The following ABCC4 variants were observed in gnomAD, a reference collection of about 807,000 sequenced individuals.
ABCC4 encodes the protein ATP binding cassette subfamily C member 4 (PEL blood group).
In ABCC4, 102 loss-of-function variants were observed where a neutral mutation model predicts 168.5. The ratio of observed to expected loss-of-function variants is 0.61; its 90% CI spans 0.52 to 0.71. The LOEUF is 0.71. Ranked by LOEUF, ABCC4 falls within the 30% of genes least tolerant of loss-of-function variation. The probability of loss-of-function intolerance (pLI) is 0.00; values close to 1 mark genes in which losing one functional copy is unlikely to be tolerated. For missense variants in ABCC4, 1,402 were observed against 1,605.8 expected (o/e 0.87, Z 2.17); for synonymous variants, 617 against 590.7 (o/e 1.04, Z -0.65).
chr13:95,131,353 C>T (rs895608078), intron 19 of ABCC4, among the ~76,000 whole-genome samples: 23 of 152,260 alleles, frequency 1.5e-4, no homozygotes, highest in East Asian at 5.8e-4. Context: ...CCCAGCCAGG[C>T]GCAGTGGCTC....
chr13:95,093,171 A>G (rs1481980485), intron 20 of ABCC4, among the ~76,000 whole-genome samples: 1 of 152,192 alleles, frequency 6.6e-6, no homozygotes, highest in African/African-American at 2.4e-5. Context: ...AGAAAGAAGG[A>G]ACCCTCCCTA....
At chr13:95,212,275 G>GGA (rs988270380) in intron 4 of ABCC4, among the ~76,000 whole-genome samples, 1 of 151,886 alleles carries the variant, frequency 6.6e-6, no homozygotes, top group East Asian at 1.9e-4. Context: ...AGAAAGGGAA[G>GGA]GAGAGAGACC....
intron 6 of ABCC4, among the ~76,000 whole-genome samples, chr13:95,209,206 C>T (rs760286421): frequency 4.6e-5 from 7 of 152,182 alleles, no homozygotes; most frequent in Non-Finnish European, 8.8e-5. Context: ...GAGGCCACAG[C>T]GCCTGAAAAG....
At chr13:95,212,098 C>G (rs762102869) in intron 4 of ABCC4, among the ~76,000 whole-genome samples, 3 of 148,888 alleles carry the variant, frequency 2.0e-5, no homozygotes, top group Non-Finnish European at 4.4e-5. Flanking sequence ...ATCACTTGAA[C>G]CGGGAGGCAG....
At position 95,123,783 on chromosome 13, in the gene ABCC4, G is replaced by A. The variant is rs532456993; in HGVS notation, c.2456-7782C>T. ...GCAGGTGGCAGAAATAAGAAAGCAC[G>A]GACCATGCCCAAGGCAGGCGGCAAT... On this transcript the variant is annotated intron_variant, in intron 19 of 30. Transcript: ENST00000645237. 2.4e-3 allele frequency among the ~76,000 whole-genome samples: 365 copies of A among 152,350 alleles called. 2 individuals carry two copies. Among genetic ancestry groups the A allele is most frequent in the African/African-American group, 8.5e-3 (352 of 41,584 alleles).
chr13:95,145,964 C>A (rs2036480447), intron 19 of ABCC4, among the ~76,000 whole-genome samples: 1 of 152,138 alleles, frequency 6.6e-6, no homozygotes, highest in Non-Finnish European at 1.5e-5. Context: ...GTAATCCCAG[C>A]ACTTTGGGAG....
intron 20 of ABCC4, among the ~76,000 whole-genome samples, chr13:95,112,002 A>G (rs1167182009): frequency 2.6e-5 from 4 of 152,188 alleles, no homozygotes; most frequent in Non-Finnish European, 2.9e-5. Context: ...TACAAAACCA[A>G]TAAAACGATC....
chr13:95,253,603 G>A (rs1404040758), intron 1 of ABCC4, among the ~76,000 whole-genome samples: 1 of 151,892 alleles, frequency 6.6e-6, no homozygotes, highest in Admixed American at 6.6e-5. Flanking sequence ...AAATTAGCCG[G>A]GCGTGGTGGA....
At chr13:95,090,956 G>A (rs530514000) in intron 20 of ABCC4, among the ~76,000 whole-genome samples, 123 of 152,194 alleles carry the variant, frequency 8.1e-4, no homozygotes, top group Non-Finnish European at 1.4e-3. Flanking sequence ...AGAGACATTG[G>A]ACACACTTAC....
chr13:95,142,300 A>C (rs760384752), intron 19 of ABCC4, among the ~76,000 whole-genome samples: 1 of 152,240 alleles, frequency 6.6e-6, no homozygotes, highest in Non-Finnish European at 1.5e-5. Flanking sequence ...GAGACTGGAG[A>C]CTATTATTAT....
chr13:95,265,356 C>G (rs2040641849), intron 1 of ABCC4, among the ~76,000 whole-genome samples: 1 of 151,650 alleles, frequency 6.6e-6, no homozygotes, highest in Non-Finnish European at 1.5e-5. Flanking sequence ...TTAAAAGACA[C>G]TACCAGATGT....
chr13:95,079,107 G>T (rs1344391488), intron 21 of ABCC4, among the ~76,000 whole-genome samples: 1 of 152,182 alleles, frequency 6.6e-6, no homozygotes, highest in Non-Finnish European at 1.5e-5. Flanking sequence ...ACCCCACTTA[G>T]GGCTGAGAGG....
chr13:95,292,835 C>A (rs757391794), intron 1 of ABCC4, among the ~76,000 whole-genome samples: 7 of 152,070 alleles, frequency 4.6e-5, no homozygotes, highest in Non-Finnish European at 1.0e-4. Flanking sequence ...CGGAAGTGGT[C>A]ATGGAACCCA....
intron 1 of ABCC4, among the ~76,000 whole-genome samples, chr13:95,299,037 G>A (rs542781978): frequency 6.6e-6 from 1 of 152,076 alleles, no homozygotes; most frequent in Admixed American, 6.6e-5. Flanking sequence ...AGGAACACTT[G>A]AGCCCAGGAG....
chr13:95,170,447 A>T (rs2037427251), intron 14 of ABCC4, 85 bp downstream of exon 14: 1 of 759,454 alleles, frequency 1.3e-6, no homozygotes, highest in Non-Finnish European at 2.1e-6. Flanking sequence ...CTCTGAGAAG[A>T]AAGGAACATG....
chr13:95,098,962 G>A (rs1388261160), intron 20 of ABCC4, among the ~76,000 whole-genome samples: 1 of 152,112 alleles, frequency 6.6e-6, no homozygotes, highest in African/African-American at 2.4e-5. Flanking sequence ...AAAAATCCTT[G>A]TCATAGTTTG....
At chr13:95,068,431 C>G (rs751064237) in intron 25 of ABCC4, among the ~76,000 whole-genome samples, 2 of 152,120 alleles carry the variant, frequency 1.3e-5, no homozygotes, top group East Asian at 3.9e-4. Flanking sequence ...TCAAGACCAG[C>G]CTGACCAACA....
chr13:95,194,967 T>G, intron 8 of ABCC4, 30 bp from the exon 9 acceptor site: 3 of 1,582,184 alleles, frequency 1.9e-6, no homozygotes, highest in Middle Eastern at 1.7e-4. Flanking sequence ...CACAGATTGT[T>G]TAAATTACAG....
chr13:95,236,987 C>T (rs2892713), intron 3 of ABCC4, among the ~76,000 whole-genome samples: 23,668 of 152,182 alleles, frequency 0.16, 2,159 homozygotes, highest in East Asian at 0.34. Context: ...ATCAGCCAGA[C>T]GCTCAGTGCT....
Sources: gnomAD v4.1 joint callset for allele counts (sites outside exome capture counted in the v4.1 genomes callset) on GRCh38, gnomAD v4.1.1 for gene constraint, MANE v1.5 for transcripts, NCBI Gene and HGNC (gene_info 2026-07-23, HGNC 2026-07-21) for gene names.